The following PRICKLE1 variants were observed in gnomAD, a reference collection of about 807,000 sequenced individuals.
The protein encoded by PRICKLE1 is prickle-like protein 1.
In PRICKLE1, 14 loss-of-function variants were observed where a neutral mutation model predicts 70.2. The observed-to-expected ratio is 0.20, with a 90% confidence interval of 0.13 to 0.31. PRICKLE1 has a LOEUF of 0.31. PRICKLE1 is among the 10% of genes least tolerant of loss of function. The probability of loss-of-function intolerance (pLI) is 1.00; values close to 1 mark genes in which losing one functional copy is unlikely to be tolerated. For missense variants in PRICKLE1, 821 were observed against 1,026.2 expected, an observed-to-expected ratio of 0.80 and a Z score of 2.73; for synonymous variants, 357 against 379.9, an observed-to-expected ratio of 0.94 and a Z score of 0.70.
rs879927442 is a variant in PRICKLE1 at position 42,501,508 on chromosome 12, C to CA, written c.-48-28945dup. On this transcript the variant is annotated intron_variant, in intron 1 of 7. Transcript: ENST00000345127. ...CTGGTAACAGAGTAAGACTCCATCT[C>CA]AAAAAAAAAAAAAAAAAAAAAAGAA... 3.6e-3 allele frequency among the ~76,000 whole-genome samples: 200 copies of CA among 55,298 alleles called. 2 individuals carry two copies. Among genetic ancestry groups the CA allele is most frequent in the Non-Finnish European group, 4.9e-3 (125 of 25,640 alleles). 36.3% of individuals were successfully genotyped at this position (55,298 alleles called of 152,430 possible).
chr12:42,587,506 A>C (rs1028144501), intron 1 of PRICKLE1, among the ~76,000 whole-genome samples: 5 of 152,256 alleles, frequency 3.3e-5, no homozygotes, highest in African/African-American at 9.6e-5. Flanking sequence ...TTTCGGTTTT[A>C]ATATGTAGAG....
intron 1 of PRICKLE1, among the ~76,000 whole-genome samples, chr12:42,480,152 T>A (rs899551521): frequency 1.3e-5 from 2 of 152,200 alleles, no homozygotes; most frequent in Non-Finnish European, 1.5e-5. Context: ...TTTGTAGGTT[T>A]TTTTCTCCCT....
Position 42,466,330 on chromosome 12 carries a change from C to G in PRICKLE1, c.639G>C (p.Met213Ile). The change falls in exon 6 of 8, where the codon ATG becomes ATC. Residue 213 changes from methionine (M) to isoleucine (I), a missense_variant. Physicochemically the swap from Met to Ile is conservative, Grantham distance 10. Transcript: ENST00000345127. Reference sequence around the variant, plus strand: ...CACACTCAAGGCAGCAGAAGTGTTTCATGTGCCAATGGCGACCCTCAGCTT... The same window carrying G: ...CACACTCAAGGCAGCAGAAGTGTTTGATGTGCCAATGGCGACCCTCAGCTT... ...CTEAEGRHWH[M>I]KHFCCLECET... 4 of 1,614,202 alleles carry G rather than the reference C, an allele frequency of 2.5e-6. No homozygotes were observed. The highest frequency in any genetic ancestry group is 2.5e-6 in the Non-Finnish European group (3 of 1,180,044).
At chr12:42,492,643 C>T (rs920292687) in intron 1 of PRICKLE1, among the ~76,000 whole-genome samples, 8 of 152,212 alleles carry the variant, frequency 5.3e-5, no homozygotes, top group Non-Finnish European at 1.0e-4. Flanking sequence ...TTTAATTAGA[C>T]TGCACCAGGG....
intron 1 of PRICKLE1, among the ~76,000 whole-genome samples, chr12:42,506,567 CTTTTTTTTTTTTTTT>C (rs139103281): frequency 4.6e-5 from 3 of 64,608 alleles, no homozygotes; most frequent in Non-Finnish European, 8.8e-5. Flanking sequence ...CAATAGTGTT[CTTTTTTTTTTTTTTT>C]TTTTTTTTTT....
intron 1 of PRICKLE1, among the ~76,000 whole-genome samples, chr12:42,545,399 G>A (rs1339797791): frequency 1.3e-5 from 2 of 152,190 alleles, no homozygotes; most frequent in Non-Finnish European, 2.9e-5. Context: ...ATATCCAAAT[G>A]CACAAAGCCA....
intron 7 of PRICKLE1, 104 bp from the exon 8 acceptor site, chr12:42,460,769 T>A (rs1937798603): frequency 1.2e-5 from 17 of 1,373,836 alleles, no homozygotes; most frequent in Non-Finnish European, 1.6e-5. Context: ...AAATTTCCAA[T>A]CTCAATATTT....
chr12:42,564,037 T>A (rs1424157395), intron 1 of PRICKLE1, among the ~76,000 whole-genome samples: 1 of 151,772 alleles, frequency 6.6e-6, no homozygotes, highest in Non-Finnish European at 1.5e-5. Context: ...GGTGGGCAGA[T>A]CACAAGGTCA....
At chr12:42,577,403 A>T (rs1364026208) in intron 1 of PRICKLE1, among the ~76,000 whole-genome samples, 1 of 152,102 alleles carries the variant, frequency 6.6e-6, no homozygotes, top group African/African-American at 2.4e-5. Context: ...TTTAAAACAT[A>T]GCTATTGTTG....
At chr12:42,529,631 A>C (rs1939872277) in intron 1 of PRICKLE1, among the ~76,000 whole-genome samples, 1 of 152,206 alleles carries the variant, frequency 6.6e-6, no homozygotes, top group Admixed American at 6.5e-5. Context: ...GCAGTGGCTC[A>C]TGCCTGTAAT....
intron 1 of PRICKLE1, among the ~76,000 whole-genome samples, chr12:42,498,389 G>A (rs1014796649): frequency 6.7e-6 from 1 of 150,124 alleles, no homozygotes; most frequent in East Asian, 2.0e-4. Context: ...GTCTAGCCTG[G>A]TATCGAACTC....
chr12:42,472,719 C>T (rs929792472), intron 1 of PRICKLE1, among the ~76,000 whole-genome samples, 155 bp from the exon 2 acceptor site: 4 of 152,174 alleles, frequency 2.6e-5, no homozygotes, highest in African/African-American at 9.7e-5. Flanking sequence ...CCCCAGGCCC[C>T]CTGAAATTTA....
intron 1 of PRICKLE1, among the ~76,000 whole-genome samples, chr12:42,547,636 A>C (rs1167946930): frequency 6.6e-6 from 1 of 152,242 alleles, no homozygotes; most frequent in Non-Finnish European, 1.5e-5. Context: ...AACGTATACT[A>C]TGCTCAAATA....
intron 1 of PRICKLE1, among the ~76,000 whole-genome samples, chr12:42,533,283 T>C (rs721722): frequency 0.13 from 20,417 of 151,830 alleles, 2,602 homozygotes; most frequent in African/African-American, 0.34. Context: ...AATGAATCGT[T>C]ATGTTATTTA....
intron 1 of PRICKLE1, among the ~76,000 whole-genome samples, chr12:42,480,266 G>A (rs368165100): frequency 3.3e-5 from 5 of 152,182 alleles, no homozygotes; most frequent in South Asian, 2.1e-4. Context: ...TGTTGCTTCC[G>A]GTATTAGGCA....
chr12:42,494,405 A>G (rs1939157521), intron 1 of PRICKLE1, among the ~76,000 whole-genome samples: 1 of 152,240 alleles, frequency 6.6e-6, no homozygotes, highest in Non-Finnish European at 1.5e-5. Flanking sequence ...TTATCAACTA[A>G]CTTTATGTAA....
At chr12:42,490,633 G>T (rs1041584805) in intron 1 of PRICKLE1, among the ~76,000 whole-genome samples, 8 of 152,194 alleles carry the variant, frequency 5.3e-5, no homozygotes, top group African/African-American at 1.9e-4. Context: ...TGATTTCTCA[G>T]GGTGGATAAA....
In PRICKLE1 at chr12:42,468,743, G is replaced by A. The variant is rs201613485; in HGVS notation, c.471C>T (p.Val157=). 1.0e-4 allele frequency: 167 copies of A among 1,614,020 alleles called. No homozygotes were observed. Among genetic ancestry groups the A allele is most frequent in the Non-Finnish European group, 1.0e-4 (121 of 1,180,030 alleles). ...PGVCWHPSCF[V]CFTCNELLVD... is the part of the protein sequence containing the mutation. The stretch of plus-strand genomic sequence containing the variant: ...CCAGCAGCTCATTACACGTGAAACA[G>A]ACAAAACAGGATGGGTGCCAGCACA... Residue 157 remains valine, a synonymous_variant, in exon 5 of 8, where the codon GTC becomes GTT. Coordinates refer to ENST00000345127, the MANE Select transcript of PRICKLE1 (RefSeq NM_153026.3).
chr12:42,485,819 C>T (rs762865108), intron 1 of PRICKLE1, among the ~76,000 whole-genome samples: 6 of 152,214 alleles, frequency 3.9e-5, no homozygotes, highest in Non-Finnish European at 7.3e-5. Context: ...CTTCCTCTAA[C>T]GCAGTTACTT....
Sources: allele counts gnomAD v4.1 joint callset (sites outside exome capture counted in the v4.1 genomes callset), GRCh38; gene constraint gnomAD v4.1.1; transcripts MANE v1.5; gene names NCBI Gene and HGNC (gene_info 2026-07-23, HGNC 2026-07-21).